The following CNTNAP5 variants were observed in gnomAD, a reference collection of about 807,000 sequenced individuals.
The protein encoded by CNTNAP5 is contactin-associated protein-like 5.
Under a neutral mutation model 150.2 loss-of-function variants are expected in CNTNAP5, and 72 were observed. The ratio of observed to expected loss-of-function variants is 0.48; its 90% CI spans 0.40 to 0.58. The LOEUF is 0.58. CNTNAP5 is among the 20% of genes least tolerant of loss of function. CNTNAP5 has a pLI of 0.00. For synonymous variants in CNTNAP5, 672 were observed against 619.8 expected (o/e 1.08, Z -1.25); for missense variants, 1,636 against 1,626.2 (o/e 1.01, Z -0.10).
chr2:124,912,668 T>C (rs2104769917), intron 23 of CNTNAP5, among the ~76,000 whole-genome samples: 2 of 152,252 alleles, frequency 1.3e-5, no homozygotes, highest in Admixed American at 1.3e-4. Context: ...TATTTCTCTT[T>C]CAATAATTTC....
intron 19 of CNTNAP5, among the ~76,000 whole-genome samples, chr2:124,808,657 C>A (rs1355031794): frequency 6.6e-6 from 1 of 150,930 alleles, no homozygotes; most frequent in Non-Finnish European, 1.5e-5. Flanking sequence ...ACTGAAAAGA[C>A]AAAGACAACA....
At chr2:124,259,625 T>A (rs1225912915) in intron 3 of CNTNAP5, among the ~76,000 whole-genome samples, 1 of 152,218 alleles carries the variant, frequency 6.6e-6, no homozygotes, top group Non-Finnish European at 1.5e-5. Flanking sequence ...TGAGCATTTT[T>A]TCATGTGTCT....
chr2:124,860,215 T>C (rs1396339278), intron 19 of CNTNAP5, among the ~76,000 whole-genome samples: 1 of 151,522 alleles, frequency 6.6e-6, no homozygotes, highest in African/African-American at 2.4e-5. Context: ...CCGTGCATGG[T>C]GGTGGGCGCC....
chr2:124,809,567 C>T (rs1024349364), intron 19 of CNTNAP5, among the ~76,000 whole-genome samples: 3 of 128,578 alleles, frequency 2.3e-5, no homozygotes, highest in East Asian at 2.4e-4. Flanking sequence ...CCACTCTGCC[C>T]GGCTGGGAAC....
intron 6 of CNTNAP5, among the ~76,000 whole-genome samples, chr2:124,457,825 C>G (rs1574007835): frequency 6.6e-6 from 1 of 152,110 alleles, no homozygotes; most frequent in Non-Finnish European, 1.5e-5. Flanking sequence ...CTCAATATCA[C>G]TAATGATCAG....
intron 4 of CNTNAP5, 111 bp from the exon 5 acceptor site, chr2:124,434,373 C>G: frequency 1.2e-6 from 1 of 822,436 alleles, no homozygotes; most frequent in Non-Finnish European, 2.1e-6. Context: ...CTAGACCTGG[C>G]AGATCTCAAG....
At position 124,786,344 on chromosome 2, in the gene CNTNAP5, A is replaced by AAAGGAAGGAAGG. The variant is rs1337327605; in HGVS notation, c.2753-3555_2753-3554insGAAGGAAGGAAG. 1.3e-4 allele frequency among the ~76,000 whole-genome samples: 15 copies of AAAGGAAGGAAGG among 112,232 alleles called. 1 individual carries two copies. The highest frequency in any genetic ancestry group is 3.8e-4 in the Admixed American group (4 of 10,532). The allele number at this position is 112,232 out of a possible 152,430, so 73.6% of individuals were successfully genotyped here. A position where few individuals can be genotyped will look rare whatever the true frequency, so the allele number is the denominator to read the frequency against. The stretch of plus-strand genomic sequence containing the variant: ...AAGGAAGAAAGAAAGAGAAAGAAAG[A>AAAGGAAGGAAGG]AAGAAAGGAAGAAAGAAAGAAAGAA... On this transcript the variant is annotated intron_variant, in intron 17 of 23. Coordinates refer to ENST00000682447, the MANE Select transcript of CNTNAP5 (RefSeq NM_001367498.1).
chr2:124,763,738 T>TA lies in CNTNAP5; in HGVS notation c.2302dup (p.Thr768AsnfsTer20). 6.2e-7 allele frequency: 1 copy of TA among 1,613,104 alleles called. No individual in the cohort carries two copies. The highest frequency in any genetic ancestry group is 2.2e-5 in the East Asian group (1 of 44,752). ...CTGTCACTCAGATAGTTATCACTGA[T>TA]ACCGACAGATCAAACTCAGAAGCCG... is the stretch of plus-strand genomic sequence containing the variant. On this transcript the variant is annotated frameshift_variant, in exon 15 of 24. Transcript: ENST00000682447. LOFTEE classifies it high-confidence loss of function.
At chr2:124,029,900 A>G (rs1028703783) in intron 1 of CNTNAP5, among the ~76,000 whole-genome samples, 4 of 152,128 alleles carry the variant, frequency 2.6e-5, no homozygotes, top group Non-Finnish European at 5.9e-5. Flanking sequence ...AGGTGGAGAA[A>G]AGATCTAGTT....
chr2:124,508,683 GT>G (rs1001447032), intron 8 of CNTNAP5, among the ~76,000 whole-genome samples: 2 of 152,142 alleles, frequency 1.3e-5, no homozygotes, highest in Non-Finnish European at 2.9e-5. Context: ...GCAAAAAGAA[GT>G]TTTTAAAATG....
intron 11 of CNTNAP5, among the ~76,000 whole-genome samples, chr2:124,567,880 GAT>G (rs750326921): frequency 1.4e-5 from 2 of 138,998 alleles, no homozygotes; most frequent in Non-Finnish European, 3.1e-5. Flanking sequence ...TAGATAGATA[GAT>G]ATAGATAGAT....
intron 1 of CNTNAP5, among the ~76,000 whole-genome samples, chr2:124,116,003 C>T (rs916141094): frequency 3.3e-5 from 5 of 152,096 alleles, no homozygotes; most frequent in African/African-American, 4.8e-5. Context: ...ACTCAGTCAA[C>T]GCTCAGTCAA....
At chr2:124,097,817 A>G (rs562489540) in intron 1 of CNTNAP5, among the ~76,000 whole-genome samples, 1 of 152,336 alleles carries the variant, frequency 6.6e-6, no homozygotes, top group African/African-American at 2.4e-5. Context: ...TCACGAGGTC[A>G]GGAGATCGAG....
chr2:124,441,304 G>A (rs779719844), intron 5 of CNTNAP5, among the ~76,000 whole-genome samples: 10 of 151,864 alleles, frequency 6.6e-5, no homozygotes, highest in South Asian at 2.1e-4. Flanking sequence ...ACTATGCAGC[G>A]TGAGGATTGT....
chr2:124,631,575 A>G (rs1317114433), intron 12 of CNTNAP5, among the ~76,000 whole-genome samples: 2 of 152,238 alleles, frequency 1.3e-5, no homozygotes, highest in African/African-American at 4.8e-5. Context: ...AATCAACTCA[A>G]GATGGATTAA....
intron 10 of CNTNAP5, among the ~76,000 whole-genome samples, chr2:124,537,262 C>A (rs1039755890): frequency 3.9e-5 from 6 of 152,226 alleles, no homozygotes; most frequent in African/African-American, 1.4e-4. Flanking sequence ...GTACTTCTAA[C>A]CCTGCTGTGG....
chr2:124,691,900 C>A (rs1679307773), intron 13 of CNTNAP5, among the ~76,000 whole-genome samples: 2 of 152,154 alleles, frequency 1.3e-5, no homozygotes, highest in Admixed American at 1.3e-4. Context: ...CGTTTTCCTT[C>A]CCCATGAGCC....
At chr2:124,864,455 C>T (rs1376546659) in intron 19 of CNTNAP5, among the ~76,000 whole-genome samples, 1 of 150,462 alleles carries the variant, frequency 6.6e-6, no homozygotes, top group Admixed American at 6.6e-5. Flanking sequence ...AGAACTTATT[C>T]CTCCCATCTA....
intron 1 of CNTNAP5, among the ~76,000 whole-genome samples, chr2:124,168,134 T>G (rs1188186617): frequency 6.6e-6 from 1 of 152,192 alleles, no homozygotes; most frequent in African/African-American, 2.4e-5. Context: ...GATAAATGGT[T>G]TCCTTCCCCT....
Sources: gnomAD v4.1 joint callset for allele counts (sites outside exome capture counted in the v4.1 genomes callset) on GRCh38, gnomAD v4.1.1 for gene constraint, MANE v1.5 for transcripts, NCBI Gene and HGNC (gene_info 2026-07-23, HGNC 2026-07-21) for gene names.